SPINK9: variants seen among roughly 807,000 people sequenced by gnomAD.
SPINK9 encodes serine peptidase inhibitor Kazal type 9.
Under a neutral mutation model 10.8 loss-of-function variants are expected in SPINK9, and 3 were observed. The ratio of observed to expected loss-of-function variants is 0.28; its 90% CI spans 0.13 to 0.72. SPINK9 has a LOEUF of 0.72. Among genes scored for constraint, SPINK9 ranks in the 30% least tolerant of loss-of-function variants. The probability of loss-of-function intolerance (pLI) is 0.74; values close to 1 mark genes in which losing one functional copy is unlikely to be tolerated. For missense variants in SPINK9, 101 were observed against 103.2 expected (o/e 0.98, Z 0.09); for synonymous variants, 30 against 31.2 (o/e 0.96, Z 0.12).
At chr5:148,337,283 C>T (rs1384819046) in intron 2 of SPINK9, among the ~76,000 whole-genome samples, 1 of 152,162 alleles carries the variant, frequency 6.6e-6, no homozygotes, top group Admixed American at 6.6e-5. Context: ...TATCATCAGG[C>T]ACTGCTGTTT....
upstream of SPINK9, among the ~76,000 whole-genome samples, chr5:148,331,034 C>A (rs1002666617): frequency 1.3e-5 from 2 of 152,244 alleles, no homozygotes; most frequent in African/African-American, 4.8e-5. Context: ...CCTTGCACTT[C>A]CTGGGTGAGG....
intron 2 of SPINK9, among the ~76,000 whole-genome samples, chr5:148,329,444 T>C (rs1757117415): frequency 6.6e-6 from 1 of 152,196 alleles, no homozygotes; most frequent in Non-Finnish European, 1.5e-5. Context: ...TGTTGATCTT[T>C]TCAAAAAACC....
chr5:148,324,229 A>T (rs1757030713), intron 2 of SPINK9, among the ~76,000 whole-genome samples: 2 of 152,186 alleles, frequency 1.3e-5, no homozygotes, highest in African/African-American at 2.4e-5. Context: ...GAAAAGGAGA[A>T]TGTATAACTT....
intron 2 of SPINK9, among the ~76,000 whole-genome samples, chr5:148,327,475 G>A (rs555985140): frequency 7.2e-5 from 11 of 151,950 alleles, no homozygotes; most frequent in Admixed American, 5.2e-4. Flanking sequence ...CTCTGATGGT[G>A]GTTTCTTTTG....
upstream of SPINK9, among the ~76,000 whole-genome samples, chr5:148,334,757 C>G (rs931236964): frequency 5.9e-5 from 9 of 151,814 alleles, no homozygotes; most frequent in Non-Finnish European, 4.4e-5. Flanking sequence ...TGAGAGCAGT[C>G]AGTTTTTCAT....
upstream of SPINK9, among the ~76,000 whole-genome samples, chr5:148,332,879 C>T (rs1757168460): frequency 6.6e-6 from 1 of 152,208 alleles, no homozygotes; most frequent in South Asian, 2.1e-4. Flanking sequence ...ATTATACCCA[C>T]TTCAAGTCAG....
At chr5:148,326,673 C>T (rs1286847535) in intron 2 of SPINK9, among the ~76,000 whole-genome samples, 1 of 152,106 alleles carries the variant, frequency 6.6e-6, no homozygotes, top group Non-Finnish European at 1.5e-5. Context: ...CTGCCCCCAC[C>T]CCACAACAGT....
upstream of SPINK9, among the ~76,000 whole-genome samples, chr5:148,334,435 G>A (rs559667298): frequency 6.6e-6 from 1 of 152,266 alleles, no homozygotes; most frequent in African/African-American, 2.4e-5. Flanking sequence ...TTTCGGTTGG[G>A]CACAGAGGTT....
At chr5:148,330,165 CT>C (rs1757128448) in intron 2 of SPINK9, among the ~76,000 whole-genome samples, 1 of 152,106 alleles carries the variant, frequency 6.6e-6, no homozygotes, top group Non-Finnish European at 1.5e-5. Context: ...TCACTAAGGA[CT>C]TGCTTTATGA....
intron 2 of SPINK9, 108 bp downstream of exon 2, chr5:148,336,561 T>C: frequency 8.0e-7 from 1 of 1,244,100 alleles, no homozygotes; most frequent in Non-Finnish European, 1.2e-6. Context: ...ATTTACTTTA[T>C]GTGTATGAAA....
chr5:148,329,011 G>A (rs140338706), intron 2 of SPINK9, among the ~76,000 whole-genome samples: 14 of 152,276 alleles, frequency 9.2e-5, no homozygotes, highest in African/African-American at 2.9e-4. Context: ...GATGATGCTG[G>A]CCTCATAAAA....
intron 1 of SPINK9, among the ~76,000 whole-genome samples, chr5:148,321,674 A>G (rs1430366738): frequency 6.6e-6 from 1 of 152,188 alleles, no homozygotes; most frequent in Non-Finnish European, 1.5e-5. Context: ...AGTTATAACT[A>G]AAATATCTTT....
Position 148,335,704 on chromosome 5 carries a change from A to G in SPINK9, c.55+36A>G, listed in dbSNP as rs376077766. On this transcript the variant is annotated intron_variant, in intron 1 of 3. Transcript: ENST00000377906. ...CTGATAATACTGCCCCTGCCCTTGTACTAATAGCTCATGCAGTCTTCTGCC... is the reference window on the plus strand; with the variant it reads ...CTGATAATACTGCCCCTGCCCTTGTGCTAATAGCTCATGCAGTCTTCTGCC... The G allele has an allele frequency of 1.2e-5, 19 of 1,605,182 alleles. No individual in the cohort carries two copies. In the African/African-American group the frequency reaches 1.9e-4, roughly 16 times the overall value.
chr5:148,329,022 A>G (rs1757109469), intron 2 of SPINK9, among the ~76,000 whole-genome samples: 1 of 152,202 alleles, frequency 6.6e-6, no homozygotes, highest in African/African-American at 2.4e-5. Context: ...CCTCATAAAA[A>G]TTAGTTAGGG....
upstream of SPINK9, among the ~76,000 whole-genome samples, chr5:148,334,202 T>C (rs370517901): frequency 4.6e-5 from 7 of 151,374 alleles, no homozygotes; most frequent in African/African-American, 1.7e-4. Context: ...ATGTCAGAGG[T>C]GGAGGATAAG....
intron 2 of SPINK9, among the ~76,000 whole-genome samples, chr5:148,337,238 C>T (rs1035492375): frequency 2.6e-5 from 4 of 152,048 alleles, no homozygotes; most frequent in Admixed American, 2.6e-4. Flanking sequence ...TTTGAGCAGG[C>T]AAGAAGAGGA....
intron 2 of SPINK9, among the ~76,000 whole-genome samples, chr5:148,328,915 T>A (rs1757107689): frequency 6.6e-6 from 1 of 152,250 alleles, no homozygotes; most frequent in African/African-American, 2.4e-5. Flanking sequence ...CAGTATTTTA[T>A]TGAGGATTTT....
Position 148,338,535 on chromosome 5 carries a change from A to G in SPINK9, c.145A>G (p.Met49Val). ...AGGACAACAGAGATTTTGTCATCAT[A>G]TGTATGATCCAATTTGTGGATCTGA... ...PPGQQRFCHHMYDPICGSDGK... is the reference protein window; with the variant it reads ...PPGQQRFCHHVYDPICGSDGK... Residue 49 changes from methionine to valine, a missense_variant, in exon 3 of 4, where the codon ATG (methionine) becomes GTG (valine). By Grantham distance (21) the Met-to-Val change is conservative (BLOSUM62 1). Transcript: ENST00000377906. The G allele has an allele frequency of 6.2e-7, 1 of 1,610,312 alleles. No homozygotes were observed. Among genetic ancestry groups the G allele is most frequent in the South Asian group, 1.1e-5 (1 of 90,732 alleles).
At chr5:148,323,819 C>T (rs1757025947) in exon 2 of SPINK9, 3 of 701,594 alleles carry the variant, frequency 4.3e-6, no homozygotes, top group Non-Finnish European at 5.2e-6. Context: ...CAGGAGAACA[C>T]AATGAACCCA....
Sources: gnomAD v4.1 joint callset for allele counts (sites outside exome capture counted in the v4.1 genomes callset) on GRCh38, gnomAD v4.1.1 for gene constraint, MANE v1.5 for transcripts, NCBI Gene and HGNC (gene_info 2026-07-23, HGNC 2026-07-21) for gene names.